B3GLCT: variants seen among roughly 807,000 people sequenced by gnomAD.
B3GLCT encodes beta-1,3-glucosyltransferase.
Under a neutral mutation model 63.4 loss-of-function variants are expected in B3GLCT, and 65 were observed. The ratio of observed to expected loss-of-function variants is 1.03; its 90% CI spans 0.84 to 1.26. B3GLCT has a LOEUF of 1.26. Among genes scored for constraint, B3GLCT ranks in the 50% most tolerant of loss-of-function variants. The probability of loss-of-function intolerance (pLI) is 0.00; values close to 1 mark genes in which losing one functional copy is unlikely to be tolerated. For missense variants in B3GLCT, 577 were observed against 604.8 expected (o/e 0.95, Z 0.48); for synonymous variants, 233 against 219.2 (o/e 1.06, Z -0.55).
At chr13:31,289,387 G>A (rs543822421) in intron 12 of B3GLCT, among the ~76,000 whole-genome samples, 3 of 152,196 alleles carry the variant, frequency 2.0e-5, no homozygotes, top group African/African-American at 7.2e-5. Context: ...TTAGATACAG[G>A]AGATCCAGTG....
chr13:31,296,145 C>T (rs1316696272), intron 12 of B3GLCT, among the ~76,000 whole-genome samples: 1 of 152,246 alleles, frequency 6.6e-6, no homozygotes. Context: ...GCTCCACCCA[C>T]TGTCCAACCA....
intron 12 of B3GLCT, among the ~76,000 whole-genome samples, chr13:31,297,385 T>G (rs1384200717): frequency 6.6e-6 from 1 of 151,808 alleles, no homozygotes; most frequent in Non-Finnish European, 1.5e-5. Flanking sequence ...GTTTTTTTTT[T>G]TTTTTTTTTG....
At chr13:31,246,946 C>CTTTTCTTTTTTTTTTTTTTTTTTTTTT in intron 4 of B3GLCT, 77 bp from the exon 5 acceptor site, 1 of 1,011,086 alleles carries the variant, frequency 9.9e-7, no homozygotes, top group Non-Finnish European at 1.4e-6. Flanking sequence ...CTTTTCTTTT[C>CTTTTCTTTTTTTTTTTTTTTTTTTTTT]TTTTCTTTTT....
At chr13:31,289,576 A>G (rs527449649) in intron 12 of B3GLCT, among the ~76,000 whole-genome samples, 1 of 151,894 alleles carries the variant, frequency 6.6e-6, no homozygotes, top group African/African-American at 2.4e-5. Context: ...GAAACCTTAT[A>G]GGCCAAAGAG....
intron 4 of B3GLCT, among the ~76,000 whole-genome samples, chr13:31,246,780 G>C (rs1162887590): frequency 6.6e-6 from 1 of 152,056 alleles, no homozygotes; most frequent in African/African-American, 2.4e-5. Flanking sequence ...GTGTGTGGGT[G>C]GTGCAGAGTG....
At chr13:31,329,314 G>A (rs919122694) in intron 14 of B3GLCT, among the ~76,000 whole-genome samples, 187 bp from the exon 15 acceptor site, 1 of 152,214 alleles carries the variant, frequency 6.6e-6, no homozygotes, top group Non-Finnish European at 1.5e-5. Context: ...GGTAATTGGA[G>A]ACACAAAAGC....
chr13:31,233,438 A>G (rs1870480569), intron 4 of B3GLCT, among the ~76,000 whole-genome samples: 3 of 152,174 alleles, frequency 2.0e-5, no homozygotes, highest in Admixed American at 2.0e-4. Flanking sequence ...AATTAAAAAA[A>G]AAAATGGAAG....
At chr13:31,259,447 G>T (rs1037282856) in intron 6 of B3GLCT, among the ~76,000 whole-genome samples, 1 of 151,972 alleles carries the variant, frequency 6.6e-6, no homozygotes, top group Non-Finnish European at 1.5e-5. Flanking sequence ...TGTCCTGGCA[G>T]TCTGAACTCC....
In B3GLCT at chr13:31,282,358, G is replaced by A. The variant is rs1873109705; in HGVS notation, c.851-2290G>A. ...TTTATGGCTAAGAGATGACAGACAG[G>A]GCCGAGTGCGGTGGCTCATGCCTGT... On this transcript the variant is annotated intron_variant, in intron 10 of 14. Transcript: ENST00000343307. 2.0e-5 allele frequency among the ~76,000 whole-genome samples: 3 copies of A among 152,150 alleles called. No homozygotes were observed. In the South Asian group the frequency reaches 6.2e-4, roughly 31 times the overall value.
At chr13:31,272,237 A>C in intron 8 of B3GLCT, among the ~76,000 whole-genome samples, 1 of 131,064 alleles carries the variant, frequency 7.6e-6, no homozygotes. Context: ...TTTTTTTGAG[A>C]CAGAGTCTTG....
intron 6 of B3GLCT, among the ~76,000 whole-genome samples, chr13:31,253,618 A>AC (rs1555249043): frequency 1.2e-5 from 1 of 82,266 alleles, no homozygotes; most frequent in Admixed American, 1.5e-4. Flanking sequence ...AAAAAAAAAA[A>AC]AAACTAGAGA....
intron 2 of B3GLCT, among the ~76,000 whole-genome samples, chr13:31,218,424 G>T (rs1869662383): frequency 6.6e-6 from 1 of 152,090 alleles, no homozygotes; most frequent in Admixed American, 6.5e-5. Flanking sequence ...GACCACCAGT[G>T]ATCCGCCTGC....
At chr13:31,206,238 AT>A (rs1000855749) in intron 1 of B3GLCT, among the ~76,000 whole-genome samples, 3 of 152,194 alleles carry the variant, frequency 2.0e-5, no homozygotes, top group African/African-American at 7.2e-5. Context: ...ACACATGAGA[AT>A]CATCTGTGTG....
intron 3 of B3GLCT, among the ~76,000 whole-genome samples, chr13:31,228,903 C>T (rs1870231376): frequency 6.6e-6 from 1 of 152,190 alleles, no homozygotes; most frequent in South Asian, 2.1e-4. Context: ...ACATTTTCAG[C>T]CATTCTTTCT....
Position 31,296,092 on chromosome 13 carries a change from C to G in B3GLCT, c.1064+9273C>G, listed in dbSNP as rs113933267. On this transcript the variant is annotated intron_variant, in intron 12 of 14. Transcript: ENST00000343307. ...GAGTTCCCCGTCCCCTTGTGCTTCC[C>G]AGGTAAGGCGACGCACCCACTGTTT... 4.0e-3 allele frequency among the ~76,000 whole-genome samples: 607 copies of G among 152,298 alleles called. 3 individuals carry two copies. Among genetic ancestry groups the G allele is most frequent in the African/African-American group, 0.014 (573 of 41,560 alleles).
intron 13 of B3GLCT, among the ~76,000 whole-genome samples, chr13:31,322,667 A>G (rs915574660): frequency 6.6e-6 from 1 of 152,222 alleles, no homozygotes; most frequent in African/African-American, 2.4e-5. Context: ...AAATAATTAC[A>G]TATTAAAATT....
At chr13:31,239,045 A>G (rs187182028) in intron 4 of B3GLCT, among the ~76,000 whole-genome samples, 1 of 152,346 alleles carries the variant, frequency 6.6e-6, no homozygotes, top group East Asian at 1.9e-4. Flanking sequence ...GGTTTAGAAC[A>G]TAGTTCTGGA....
chr13:31,230,230 G>A (rs554264362), intron 4 of B3GLCT, among the ~76,000 whole-genome samples: 1 of 152,242 alleles, frequency 6.6e-6, no homozygotes, highest in African/African-American at 2.4e-5. Flanking sequence ...AATACTGGAG[G>A]TTTGGAGTGA....
At chr13:31,281,347 A>G (rs961359417) in intron 10 of B3GLCT, among the ~76,000 whole-genome samples, 4 of 152,118 alleles carry the variant, frequency 2.6e-5, no homozygotes, top group African/African-American at 9.7e-5. Flanking sequence ...GCAAATCTGA[A>G]CAAACTGATT....
Sources: gnomAD v4.1 joint callset for allele counts (sites outside exome capture counted in the v4.1 genomes callset) on GRCh38, gnomAD v4.1.1 for gene constraint, MANE v1.5 for transcripts, NCBI Gene and HGNC (gene_info 2026-07-23, HGNC 2026-07-21) for gene names.